Variants in BCL11B observed in about 807,000 individuals in gnomAD.
The protein encoded by BCL11B is BCL11 transcription factor B.
Under a neutral mutation model 49.9 loss-of-function variants are expected in BCL11B, and 8 were observed. That is an observed-to-expected ratio of 0.16 (90% CI 0.09 to 0.29). The LOEUF is 0.29. Among genes scored for constraint, BCL11B ranks in the 10% least tolerant of loss-of-function variants. The pLI is 1.00. For missense variants in BCL11B, 1,006 were observed against 1,351.0 expected, an observed-to-expected ratio of 0.74 and a Z score of 4.00; for synonymous variants, 739 against 637.4, an observed-to-expected ratio of 1.16 and a Z score of -2.40.
At chr14:99,177,284 T>C (rs1886563719) in intron 3 of BCL11B, among the ~76,000 whole-genome samples, 1 of 152,038 alleles carries the variant, frequency 6.6e-6, no homozygotes, top group Non-Finnish European at 1.5e-5. Flanking sequence ...TGGCAAATGC[T>C]GATGTGTTAG....
chr14:99,171,810 T>A lies in BCL11B; in HGVS notation c.*2341A>T. On this transcript the variant is annotated 3_prime_UTR_variant, in exon 4 of 4. Coordinates refer to ENST00000357195, the MANE Select transcript of BCL11B (RefSeq NM_138576.4). ...AGTTACTGTAACAAGAACAAATTTATAGACCCACCATTTAAATTTTACTGC... is the reference window on the plus strand; with the variant it reads ...AGTTACTGTAACAAGAACAAATTTAAAGACCCACCATTTAAATTTTACTGC... The A allele has an allele frequency of 4.8e-6, 1 of 208,430 alleles. No individual in the cohort carries two copies. Among genetic ancestry groups the A allele is most frequent in the East Asian group, 7.3e-5 (1 of 13,644 alleles). 12.9% of individuals were successfully genotyped at this position (208,430 alleles called of 1,614,324 possible).
chr14:99,242,434 A>G lies in BCL11B; in HGVS notation c.428-10877T>C, dbSNP rs1357231258. Among the ~76,000 whole-genome samples, 1 of 152,090 alleles carries G rather than the reference A, an allele frequency of 6.6e-6. No homozygotes were observed. The highest frequency in any genetic ancestry group is 1.5e-5 in the Non-Finnish European group (1 of 68,018). On this transcript the variant is annotated intron_variant, in intron 2 of 3. Transcript: ENST00000357195. The surrounding 1 kb of genome is among the most constrained non-coding windows in gnomAD (Gnocchi z 4.4). Reference sequence around the variant, plus strand: ...TGCCCAGCCTTGCATGCCCACGTGGAATTTACTTAGATCTGTATTCAATTA... The same window carrying G: ...TGCCCAGCCTTGCATGCCCACGTGGGATTTACTTAGATCTGTATTCAATTA...
intron 3 of BCL11B, among the ~76,000 whole-genome samples, chr14:99,229,137 T>TGGATGGATGGATGGATGGACGGAC (rs1888254625): frequency 6.6e-6 from 1 of 151,656 alleles, no homozygotes; most frequent in Admixed American, 6.6e-5. Flanking sequence ...GATGGATGGA[T>TGGATGGATGGATGGATGGACGGAC]GGATGGATGG....
chr14:99,172,284 CA>C lies in BCL11B; in HGVS notation c.*1866del. The stretch of plus-strand genomic sequence containing the variant: ...ACTCCATATCTAAGCAGCGTTGTCC[CA>C]AAAACAAAAGGGGCTGAGGATAATT... On this transcript the variant is annotated 3_prime_UTR_variant, in exon 4 of 4. Transcript: ENST00000357195. 3.1e-5 allele frequency: 7 copies of C among 226,296 alleles called. No individual in the cohort carries two copies. The highest frequency in any genetic ancestry group is 1.8e-4 in the South Asian group (1 of 5,440). 14.0% of individuals were successfully genotyped at this position (226,296 alleles called of 1,614,324 possible). A position where few individuals can be genotyped will look rare whatever the true frequency, so the allele number is the denominator to read the frequency against.
intron 3 of BCL11B, among the ~76,000 whole-genome samples, chr14:99,203,101 G>A (rs1409972893): frequency 2.0e-5 from 3 of 152,204 alleles, no homozygotes; most frequent in African/African-American, 4.8e-5. Flanking sequence ...CTTCCTAGAA[G>A]ACAAACTGAG....
chr14:99,198,683 G>C (rs969728229), intron 3 of BCL11B, among the ~76,000 whole-genome samples: 12 of 151,896 alleles, frequency 7.9e-5, no homozygotes, highest in Non-Finnish European at 1.8e-4. Flanking sequence ...CTTCCAAACA[G>C]AGTGCACCTT....
At chr14:99,182,285 G>C (rs1015758842) in intron 3 of BCL11B, among the ~76,000 whole-genome samples, 2 of 152,194 alleles carry the variant, frequency 1.3e-5, no homozygotes, top group Non-Finnish European at 2.9e-5. Flanking sequence ...CCACCGTCAT[G>C]ATGACCATTT....
rs1200092401 is a variant in BCL11B at position 99,257,735 on chromosome 14, G to C, written c.163C>G (p.Leu55Val). ...ATTTGACACTGGCCACAGGTGAGCA[G>C]GTCAGGGTCGGGGCCACCCACCATC... ...GLMVGGPDPDLLTCGQCQMNF... is the reference protein window; with the variant it reads ...GLMVGGPDPDVLTCGQCQMNF... The change falls in exon 2 of 4, where the codon CTG (leucine) becomes GTG (valine). Residue 55 changes from leucine (L) to valine (V), a missense_variant. Transcript: ENST00000357195. The surrounding 1 kb of genome is among the most constrained non-coding windows in gnomAD (Gnocchi z 6.2). 6.2e-7 allele frequency: 1 copy of C among 1,610,732 alleles called. No individual in the cohort carries two copies. The highest frequency in any genetic ancestry group is 1.3e-5 in the African/African-American group (1 of 74,868).
chr14:99,177,988 G>A (rs1886588460), intron 3 of BCL11B, among the ~76,000 whole-genome samples: 1 of 152,160 alleles, frequency 6.6e-6, no homozygotes, highest in African/African-American at 2.4e-5. Context: ...TGTGGCCTGT[G>A]CCTCTGCCTG....
chr14:99,253,664 A>T (rs1176617183), intron 2 of BCL11B, among the ~76,000 whole-genome samples: 3 of 151,734 alleles, frequency 2.0e-5, no homozygotes, highest in Non-Finnish European at 4.4e-5. Context: ...AACCCCAAAC[A>T]CCCTGAAAGC....
In BCL11B at chr14:99,220,782, G is replaced by A. The variant is rs976055505; in HGVS notation, c.640+10563C>T. Reference sequence around the variant, plus strand: ...AAAACTCACAATCGAAGCATTGTGAGAATCACTGGAGATACACAGAAAGCC... The same window carrying A: ...AAAACTCACAATCGAAGCATTGTGAAAATCACTGGAGATACACAGAAAGCC... On this transcript the variant is annotated intron_variant, in intron 3 of 3. Transcript: ENST00000357195. 2.0e-5 allele frequency among the ~76,000 whole-genome samples: 3 copies of A among 152,278 alleles called. No individual in the cohort carries two copies. The South Asian group carries it at 6.2e-4, about 32-fold the overall frequency.
chr14:99,222,018 G>A (rs1203935540), intron 3 of BCL11B, among the ~76,000 whole-genome samples: 2 of 152,190 alleles, frequency 1.3e-5, no homozygotes, highest in Admixed American at 6.5e-5. Flanking sequence ...CGAGGGTTCC[G>A]TCCCACTGCT....
rs1373470178 is a variant in BCL11B, at chr14:99,175,852, G to A, written c.984C>T (p.His328=). Residue 328 remains histidine (H), a synonymous_variant, in exon 4 of 4, where the codon CAC becomes CAT. Transcript: ENST00000357195. ...SPPPRHHLDP[H]RLSAEEMGLV... ...GCCCCATCTCCTCGGCACTGAGGCG[G>A]TGCGGGTCCAGGTGGTGGCGCGGCG... 7 of 1,479,330 alleles carry A rather than the reference G, an allele frequency of 4.7e-6. No individual in the cohort carries two copies. The East Asian group carries it at 1.3e-4, about 27-fold the overall frequency. 91.6% of individuals were successfully genotyped at this position (1,479,330 alleles called of 1,614,324 possible).
At chr14:99,182,553 T>C (rs889829863) in intron 3 of BCL11B, among the ~76,000 whole-genome samples, 2 of 152,232 alleles carry the variant, frequency 1.3e-5, no homozygotes, top group African/African-American at 4.8e-5. Context: ...GAAATCATGC[T>C]GATTATCTCA....
intron 3 of BCL11B, among the ~76,000 whole-genome samples, chr14:99,226,250 G>A (rs2139877651): frequency 6.6e-6 from 1 of 152,322 alleles, no homozygotes; most frequent in South Asian, 2.1e-4. Flanking sequence ...TAGCCCAGAA[G>A]GATCCTAACA....
At position 99,231,379 on chromosome 14, in the gene BCL11B, C is replaced by T. The variant is rs1354014924; in HGVS notation, c.606G>A (p.Thr202=). ...GACACTGGCATCCAAAGGGAGCCTC[C>T]GTCTGACCCTCACCCTGAGTCCCGT... ...SGDGTQGEGQ[T]EAPFGCQCQL... The change falls in exon 3 of 4, where the codon ACG becomes ACA. Residue 202 remains threonine, a synonymous_variant. Transcript: ENST00000357195. This position sits in a 1 kb window ranked among gnomAD's most constrained non-coding sequence, Gnocchi z 8.1. The T allele has an allele frequency of 1.2e-6, 2 of 1,605,948 alleles. No homozygotes were observed. Among genetic ancestry groups the T allele is most frequent in the East Asian group, 2.2e-5 (1 of 44,756 alleles).
At chr14:99,250,796 G>A (rs1888987042) in intron 2 of BCL11B, among the ~76,000 whole-genome samples, 1 of 150,974 alleles carries the variant, frequency 6.6e-6, no homozygotes, top group Non-Finnish European at 1.5e-5. Context: ...TCTCTCTCCT[G>A]TTTCCTGAAT....
At chr14:99,235,106 T>C (rs1041865145) in intron 2 of BCL11B, among the ~76,000 whole-genome samples, 5 of 152,126 alleles carry the variant, frequency 3.3e-5, no homozygotes, top group African/African-American at 1.2e-4. Context: ...CAAAAACGCC[T>C]GGAAAAGCCC....
intron 3 of BCL11B, among the ~76,000 whole-genome samples, chr14:99,188,035 CT>C (rs1886908029): frequency 6.6e-6 from 1 of 152,176 alleles, no homozygotes; most frequent in Non-Finnish European, 1.5e-5. Context: ...TACTGACACA[CT>C]ACAAACAAGT....
Sources: allele counts gnomAD v4.1 joint callset (sites outside exome capture counted in the v4.1 genomes callset), GRCh38; gene constraint gnomAD v4.1.1; non-coding constraint Gnocchi (gnomAD v3.1); transcripts MANE v1.5; gene names NCBI Gene and HGNC (gene_info 2026-07-23, HGNC 2026-07-21).